UBTD2: variants seen among roughly 807,000 people sequenced by gnomAD.
UBTD2 encodes the protein ubiquitin domain-containing protein 2.
A neutral mutation model predicts 19.8 loss-of-function variants in UBTD2; 9 were observed. The ratio of observed to expected loss-of-function variants is 0.46; its 90% CI spans 0.27 to 0.79. The LOEUF is 0.79. Ranked by LOEUF, UBTD2 falls within the 30% of genes least tolerant of loss-of-function variation. The pLI, the probability that UBTD2 is intolerant of heterozygous loss-of-function variation, is 0.14. For synonymous variants in UBTD2, 98 were observed against 103.9 expected, an observed-to-expected ratio of 0.94 and a Z score of 0.35; for missense variants, 250 against 300.4, an observed-to-expected ratio of 0.83 and a Z score of 1.24.
chr5:172,258,881 TATA>T (rs1755211674), intron 1 of UBTD2, among the ~76,000 whole-genome samples: 1 of 152,156 alleles, frequency 6.6e-6, no homozygotes, highest in African/African-American at 2.4e-5. Flanking sequence ...TACAGAATCA[TATA>T]ATCTGCAAAG....
chr5:172,231,934 A>C (rs1050267882), intron 2 of UBTD2, among the ~76,000 whole-genome samples: 1 of 152,170 alleles, frequency 6.6e-6, no homozygotes, highest in Non-Finnish European at 1.5e-5. Context: ...CAATCACATA[A>C]AAGTAAAGAA....
intron 1 of UBTD2, among the ~76,000 whole-genome samples, chr5:172,249,491 A>C (rs1369568566): frequency 1.3e-5 from 2 of 151,522 alleles, no homozygotes; most frequent in African/African-American, 4.8e-5. Flanking sequence ...TCATTCTATG[A>C]GGCCAACATT....
chr5:172,254,485 A>T (rs1243479057), intron 1 of UBTD2: 2 of 527,170 alleles, frequency 3.8e-6, no homozygotes, highest in Non-Finnish European at 6.9e-6. Flanking sequence ...TGTTTTCCTA[A>T]ATGTCTTTTT....
At chr5:172,257,985 T>G (rs1392215624) in intron 1 of UBTD2, among the ~76,000 whole-genome samples, 1 of 152,242 alleles carries the variant, frequency 6.6e-6, no homozygotes, top group African/African-American at 2.4e-5. Flanking sequence ...TAGTTTCTTT[T>G]GCTGTGCAGA....
intron 1 of UBTD2, among the ~76,000 whole-genome samples, chr5:172,252,121 A>G (rs1755037753): frequency 6.6e-6 from 1 of 152,188 alleles, no homozygotes; most frequent in East Asian, 1.9e-4. Context: ...ACCAACACTG[A>G]CTCCAAAGTT....
At chr5:172,230,845 G>C (rs1024764697) in intron 2 of UBTD2, among the ~76,000 whole-genome samples, 1 of 149,506 alleles carries the variant, frequency 6.7e-6, no homozygotes, top group African/African-American at 2.5e-5. Flanking sequence ...GTGCAGTGAC[G>C]CGATCTTGGC....
At chr5:172,228,151 A>G (rs1422827860) in intron 2 of UBTD2, among the ~76,000 whole-genome samples, 1 of 152,228 alleles carries the variant, frequency 6.6e-6, no homozygotes, top group Admixed American at 6.5e-5. Flanking sequence ...ATTTTGAAGT[A>G]TTCTATATAG....
Position 172,211,734 on chromosome 5 carries a change from A to G in UBTD2, c.*96T>C, listed in dbSNP as rs1318638218. 24 of 1,325,020 alleles carry G rather than the reference A, an allele frequency of 1.8e-5. No individual in the cohort carries two copies. Among genetic ancestry groups the G allele is most frequent in the Non-Finnish European group, 5.1e-6 (5 of 989,520 alleles). The allele number at this position is 1,325,020 out of a possible 1,614,324, so 82.1% of individuals were successfully genotyped here. ...CTAAATCCATTCATAGGGAATTTAG[A>G]GCAGTGAAATAGATTTCACGCCGCA... On this transcript the variant is annotated 3_prime_UTR_variant, in exon 3 of 3. Coordinates refer to ENST00000393792, the MANE Select transcript of UBTD2 (RefSeq NM_152277.3).
intron 2 of UBTD2, among the ~76,000 whole-genome samples, chr5:172,215,252 T>C (rs1017573432): frequency 6.6e-6 from 1 of 152,196 alleles, no homozygotes; most frequent in African/African-American, 2.4e-5. Flanking sequence ...TTCCCTGGGT[T>C]GGAGGAGGGT....
At chr5:172,277,791 T>C (rs1002853265) in intron 1 of UBTD2, among the ~76,000 whole-genome samples, 5 of 145,132 alleles carry the variant, frequency 3.4e-5, no homozygotes, top group Non-Finnish European at 3.0e-5. Flanking sequence ...GGGGAAAATA[T>C]CTGCATATCA....
At chr5:172,281,268 T>C (rs1323863604) in intron 1 of UBTD2, among the ~76,000 whole-genome samples, 1 of 152,176 alleles carries the variant, frequency 6.6e-6, no homozygotes, top group Non-Finnish European at 1.5e-5. Context: ...AGACTCCATG[T>C]TGATAAAACA....
intron 1 of UBTD2, among the ~76,000 whole-genome samples, chr5:172,240,443 A>G (rs1292771825): frequency 6.6e-6 from 1 of 152,204 alleles, no homozygotes; most frequent in Non-Finnish European, 1.5e-5. Context: ...TAATAATTTT[A>G]AAGGCATTTA....
chr5:172,223,912 T>C (rs191306867), intron 2 of UBTD2, among the ~76,000 whole-genome samples: 1 of 151,892 alleles, frequency 6.6e-6, no homozygotes, highest in Admixed American at 6.6e-5. Context: ...AGTTGAGAAA[T>C]GAATCACAAG....
chr5:172,228,468 C>T (rs1771816369), intron 2 of UBTD2, among the ~76,000 whole-genome samples: 1 of 152,182 alleles, frequency 6.6e-6, no homozygotes, highest in Non-Finnish European at 1.5e-5. Context: ...TGCTTGTAAT[C>T]CCAGCACTTT....
chr5:172,234,833 G>C (rs1005198989), intron 1 of UBTD2, among the ~76,000 whole-genome samples: 1 of 125,264 alleles, frequency 8.0e-6, no homozygotes, highest in African/African-American at 3.0e-5. Flanking sequence ...ACTTGAGCCT[G>C]GGAGGTTGTG....
intron 2 of UBTD2, among the ~76,000 whole-genome samples, chr5:172,231,067 G>A (rs906376174): frequency 6.6e-6 from 1 of 152,174 alleles, no homozygotes; most frequent in Admixed American, 6.5e-5. Flanking sequence ...ACAGGCGTAA[G>A]CCACTGCACC....
intron 1 of UBTD2, among the ~76,000 whole-genome samples, chr5:172,262,421 G>A (rs1434980698): frequency 7.5e-6 from 1 of 133,250 alleles, no homozygotes; most frequent in South Asian, 2.3e-4. Flanking sequence ...CTGCATTCCA[G>A]CCTGGGTGAC....
At chr5:172,224,947 C>CA (rs1248321908) in intron 2 of UBTD2, among the ~76,000 whole-genome samples, 24 of 152,272 alleles carry the variant, frequency 1.6e-4, no homozygotes, top group African/African-American at 5.3e-4. Context: ...ACAAAATTTA[C>CA]AAAAAATTTT....
intron 1 of UBTD2, chr5:172,254,664 C>A: frequency 1.7e-6 from 1 of 592,362 alleles, no homozygotes. Flanking sequence ...TCCGGGGATT[C>A]CACAGGTAAA....
Sources: allele counts gnomAD v4.1 joint callset (sites outside exome capture counted in the v4.1 genomes callset), GRCh38; gene constraint gnomAD v4.1.1; transcripts MANE v1.5; gene names NCBI Gene and HGNC (gene_info 2026-07-23, HGNC 2026-07-21).